PIEZO2: variants seen among roughly 807,000 people sequenced by gnomAD.
PIEZO2 encodes the protein piezo type mechanosensitive ion channel component 2.
PIEZO2 carries 172 observed loss-of-function variants against 337.3 expected under a neutral mutation model. The ratio of observed to expected loss-of-function variants is 0.51; its 90% CI spans 0.45 to 0.58. PIEZO2 has a LOEUF of 0.58. Ranked by LOEUF, PIEZO2 falls within the 20% of genes least tolerant of loss-of-function variation. The probability of loss-of-function intolerance (pLI) is 0.00; values close to 1 mark genes in which losing one functional copy is unlikely to be tolerated. For synonymous variants in PIEZO2, 1,251 were observed against 1,228.5 expected (o/e 1.02, Z -0.38); for missense variants, 3,028 against 3,391.3 (o/e 0.89, Z 2.66).
chr18:10,725,534 G>A, intron 36 of PIEZO2: 1 of 1,393,580 alleles, frequency 7.2e-7, no homozygotes, highest in Non-Finnish European at 9.7e-7. Flanking sequence ...GGGAAGGAGG[G>A]GCCCCACTAA....
At chr18:11,071,928 C>G (rs77641864) in intron 1 of PIEZO2, among the ~76,000 whole-genome samples, 1,541 of 152,248 alleles carry the variant, frequency 0.01, 25 homozygotes, top group African/African-American at 0.036. Context: ...CTAGCAGCTC[C>G]AGTTTCCCAC....
intron 8 of PIEZO2, among the ~76,000 whole-genome samples, chr18:10,804,626 C>T (rs1215952154): frequency 1.3e-5 from 2 of 152,104 alleles, no homozygotes; most frequent in Non-Finnish European, 2.9e-5. Flanking sequence ...GGTCCCAGTG[C>T]ACCAGAGTAG....
In PIEZO2 at chr18:10,718,241, T is replaced by C; in HGVS notation, c.5048A>G (p.Asp1683Gly). Residue 1683 changes from aspartate (D) to glycine (G), a missense_variant, in exon 37 of 56, where the codon GAC becomes GGC. Asp to Gly is a moderately conservative substitution (Grantham distance 94, BLOSUM62 -1). Coordinates refer to ENST00000674853, the MANE Select transcript of PIEZO2 (RefSeq NM_001378183.1). ...CTTTTTGATTGGTTCATCCTCCCGG[T>C]CTTCCCATTCCACAGGACCTGCCAA... Reference protein sequence around the residue: ...GSKEGPVEWEDREDEPIKKKS... With the variant: ...GSKEGPVEWEGREDEPIKKKS... 1.3e-6 allele frequency: 2 copies of C among 1,537,098 alleles called. No individual in the cohort carries two copies. Among genetic ancestry groups the C allele is most frequent in the Non-Finnish European group, 1.7e-6 (2 of 1,146,758 alleles).
intron 3 of PIEZO2, among the ~76,000 whole-genome samples, chr18:10,944,977 C>A (rs1444621329): frequency 1.3e-5 from 2 of 152,044 alleles, no homozygotes; most frequent in African/African-American, 4.8e-5. Context: ...AGAAGCCAGG[C>A]AGAACCCAGG....
chr18:10,755,075 G>T (rs990013083), intron 27 of PIEZO2, among the ~76,000 whole-genome samples: 1 of 152,170 alleles, frequency 6.6e-6, no homozygotes, highest in African/African-American at 2.4e-5. Context: ...TAAGTAGGAG[G>T]ATGGGGACAA....
chr18:10,762,738 G>A, intron 22 of PIEZO2, 113 bp from the exon 23 acceptor site: 1 of 1,363,416 alleles, frequency 7.3e-7, no homozygotes, highest in Non-Finnish European at 9.8e-7. Flanking sequence ...GGAGGGACAG[G>A]CCCATTTCAG....
chr18:10,811,386 G>A (rs2075720413), intron 7 of PIEZO2, among the ~76,000 whole-genome samples: 2 of 152,116 alleles, frequency 1.3e-5, no homozygotes, highest in South Asian at 2.1e-4. Flanking sequence ...GTCACCTTGC[G>A]TTTATGGCAG....
rs142299460 is a variant in PIEZO2, at chr18:10,672,157, C to T, written c.8346-378G>A. On this transcript the variant is annotated intron_variant, in intron 55 of 55. Coordinates refer to ENST00000674853, the MANE Select transcript of PIEZO2 (RefSeq NM_001378183.1). The surrounding 1 kb of genome is among the most constrained non-coding windows in gnomAD (Gnocchi z 4.7). ...TATATATGATTTTCTGTGGCAGGCTCCTTTCCTTTTAGCAATACTGTCTCT... is the reference window on the plus strand; with the variant it reads ...TATATATGATTTTCTGTGGCAGGCTTCTTTCCTTTTAGCAATACTGTCTCT... Among the ~76,000 whole-genome samples, 393 of 152,188 alleles carry T rather than the reference C, an allele frequency of 2.6e-3. 3 individuals carry two copies. Among genetic ancestry groups the T allele is most frequent in the African/African-American group, 8.7e-3 (362 of 41,510 alleles).
At chr18:10,992,075 T>G (rs1421119442) in intron 2 of PIEZO2, among the ~76,000 whole-genome samples, 3 of 152,178 alleles carry the variant, frequency 2.0e-5, no homozygotes, top group South Asian at 2.1e-4. Flanking sequence ...TTTGATGGTG[T>G]TGTTTGTTTT....
intron 36 of PIEZO2, chr18:10,725,005 G>A (rs2036473636): frequency 1.3e-6 from 2 of 1,588,652 alleles, no homozygotes; most frequent in South Asian, 1.1e-5. Context: ...AAGCGATGCA[G>A]GCCATAGTGC....
At chr18:10,879,212 T>G (rs2042345725) in intron 4 of PIEZO2, among the ~76,000 whole-genome samples, 1 of 152,194 alleles carries the variant, frequency 6.6e-6, no homozygotes. Flanking sequence ...AACCAGGTTT[T>G]GTGTAGATGA....
At chr18:10,941,701 A>C (rs117272823) in intron 3 of PIEZO2, among the ~76,000 whole-genome samples, 2 of 152,384 alleles carry the variant, frequency 1.3e-5, no homozygotes, top group East Asian at 3.9e-4. Context: ...CAAAAGTAAC[A>C]ACTGAGAGTT....
chr18:10,804,058 C>A, intron 8 of PIEZO2, 64 bp from the exon 9 acceptor site: 2 of 1,494,798 alleles, frequency 1.3e-6, no homozygotes, highest in Non-Finnish European at 1.8e-6. Context: ...CCTGGGTGGC[C>A]AAGACAGAGC....
Position 10,945,857 on chromosome 18 carries a change from T to C in PIEZO2, c.286+33678A>G, listed in dbSNP as rs1568226726. Among the ~76,000 whole-genome samples, 2 of 152,172 alleles carry C rather than the reference T, an allele frequency of 1.3e-5. No homozygotes were observed. The highest frequency in any genetic ancestry group is 4.8e-5 in the African/African-American group (2 of 41,444). On this transcript the variant is annotated intron_variant, in intron 3 of 55. Transcript: ENST00000674853. This position sits in a 1 kb window ranked among gnomAD's most constrained non-coding sequence, Gnocchi z 4.0. ...ATTGGACTTCTTGAGATAATAACTA[T>C]AATGCCTGAAATTGAAAACACACTG...
chr18:10,820,667 A>G (rs998502400), intron 7 of PIEZO2, among the ~76,000 whole-genome samples: 10 of 152,138 alleles, frequency 6.6e-5, no homozygotes, highest in Non-Finnish European at 1.2e-4. Flanking sequence ...GCTTTTTCAC[A>G]TGTCTAAAAA....
intron 23 of PIEZO2, among the ~76,000 whole-genome samples, chr18:10,761,495 G>A (rs567804892): frequency 4.6e-5 from 7 of 152,288 alleles, no homozygotes; most frequent in African/African-American, 7.2e-5. Context: ...CTAAATGAAC[G>A]GGAAGCTGCT....
intron 20 of PIEZO2, among the ~76,000 whole-genome samples, chr18:10,771,235 A>G (rs538273805): frequency 9.2e-5 from 14 of 152,388 alleles, no homozygotes; most frequent in Non-Finnish European, 1.9e-4. Flanking sequence ...AGAGCCCTGC[A>G]TGGGCAGGAA....
chr18:10,988,239 A>T lies in PIEZO2; in HGVS notation c.161-8579T>A, dbSNP rs144634002. 6.6e-6 allele frequency among the ~76,000 whole-genome samples: 1 copy of T among 152,236 alleles called. No individual in the cohort carries two copies. The highest frequency in any genetic ancestry group is 1.9e-4 in the East Asian group (1 of 5,184). ...ATGAAGCAACACAGTGCCATTTTGG[A>T]AGCAGAAAGACCAGGGTCTCACCAG... On this transcript the variant is annotated intron_variant, in intron 2 of 55. Transcript: ENST00000674853. This position sits in a 1 kb window ranked among gnomAD's most constrained non-coding sequence, Gnocchi z 4.8.
chr18:10,686,334 G>C (rs945496258), intron 49 of PIEZO2, among the ~76,000 whole-genome samples: 2 of 152,068 alleles, frequency 1.3e-5, no homozygotes, highest in African/African-American at 4.8e-5. Flanking sequence ...TCTCTCTCTG[G>C]GTCTAAAAAT....
Sources: gnomAD v4.1 joint callset for allele counts (sites outside exome capture counted in the v4.1 genomes callset) on GRCh38, gnomAD v4.1.1 for gene constraint, Gnocchi (gnomAD v3.1) non-coding constraint, MANE v1.5 for transcripts, NCBI Gene and HGNC (gene_info 2026-07-23, HGNC 2026-07-21) for gene names.